Variants in LRPPRC observed in about 807,000 individuals in gnomAD.
The protein encoded by LRPPRC is leucine rich pentatricopeptide repeat containing.
In LRPPRC, 120 loss-of-function variants were observed where a neutral mutation model predicts 180.3. That is an observed-to-expected ratio of 0.67 (90% CI 0.57 to 0.77). The LOEUF is 0.77. Ranked by LOEUF, LRPPRC falls within the 30% of genes least tolerant of loss-of-function variation. The pLI, the probability that LRPPRC is intolerant of heterozygous loss-of-function variation, is 0.00. For synonymous variants in LRPPRC, 723 were observed against 600.0 expected (o/e 1.21, Z -3.00); for missense variants, 2,012 against 1,657.2 (o/e 1.21, Z -3.72).
chr2:43,988,298 A>G (rs2103768016), intron 1 of LRPPRC, among the ~76,000 whole-genome samples: 1 of 149,648 alleles, frequency 6.7e-6, no homozygotes, highest in African/African-American at 2.5e-5. Context: ...ACACTTTGGG[A>G]GGCCAAGGCG....
intron 23 of LRPPRC, among the ~76,000 whole-genome samples, chr2:43,935,318 G>A (rs1054999081): frequency 5.3e-5 from 8 of 152,100 alleles, no homozygotes; most frequent in African/African-American, 1.9e-4. Flanking sequence ...TTTGGTAAAC[G>A]TTATTAAATG....
chr2:43,901,613 C>A, intron 31 of LRPPRC, 89 bp from the exon 32 acceptor site: 1 of 792,098 alleles, frequency 1.3e-6, no homozygotes, highest in Non-Finnish European at 2.2e-6. Context: ...ATATGAGCAC[C>A]AAATGGCCAT....
chr2:43,934,661 T>G (rs1324885609), intron 24 of LRPPRC, 93 bp downstream of exon 24: 4 of 1,069,488 alleles, frequency 3.7e-6, no homozygotes, highest in Admixed American at 3.9e-5. Flanking sequence ...CTGAATGTGC[T>G]GGCCTTCTGC....
chr2:43,982,485 A>G, intron 1 of LRPPRC, 51 bp from the exon 2 acceptor site: 1 of 1,403,488 alleles, frequency 7.1e-7, no homozygotes, highest in Non-Finnish European at 1.0e-6. Flanking sequence ...TATTTAGGTC[A>G]TTTTTTGAAC....
At chr2:43,964,857 T>C (rs1395224035) in intron 11 of LRPPRC, among the ~76,000 whole-genome samples, 2 of 152,082 alleles carry the variant, frequency 1.3e-5, no homozygotes, top group East Asian at 1.9e-4. Context: ...CACACACATA[T>C]AATCAACTAA....
intron 14 of LRPPRC, among the ~76,000 whole-genome samples, chr2:43,952,848 C>T (rs1239551590): frequency 6.6e-6 from 1 of 152,178 alleles, no homozygotes; most frequent in Admixed American, 6.5e-5. Flanking sequence ...CCCCTATCTG[C>T]CTTTACCTGT....
At chr2:43,922,936 A>G (rs1572924146) in intron 27 of LRPPRC, among the ~76,000 whole-genome samples, 2 of 152,276 alleles carry the variant, frequency 1.3e-5, no homozygotes, top group Admixed American at 1.3e-4. Flanking sequence ...ATGTGGTTAA[A>G]AAGAATATAT....
chr2:43,966,233 T>C (rs533451378), intron 11 of LRPPRC, among the ~76,000 whole-genome samples: 8 of 151,676 alleles, frequency 5.3e-5, no homozygotes, highest in Non-Finnish European at 1.2e-4. Context: ...ATCTCACTTA[T>C]ATATGGAATC....
At chr2:43,917,948 G>A (rs1158364880) in intron 29 of LRPPRC, 77 bp downstream of exon 29, 3 of 972,476 alleles carry the variant, frequency 3.1e-6, no homozygotes, top group African/African-American at 3.2e-5. Context: ...CTTCTAATTG[G>A]TTGGGCTTAC....
At chr2:43,944,882 A>G (rs1304486372) in intron 22 of LRPPRC, among the ~76,000 whole-genome samples, 3 of 152,140 alleles carry the variant, frequency 2.0e-5, no homozygotes, top group Admixed American at 1.3e-4. Context: ...TTTAAAGTAT[A>G]TATTTTGTTA....
At position 43,950,987 on chromosome 2, in the gene LRPPRC, C is replaced by G. The variant is rs1672880306; in HGVS notation, c.1650-387G>C. ...CGGGAGGCTGAGGCAGGAGAATTGC[C>G]TGAACCCGGGAAGCGGAGGTTGCAG... On this transcript the variant is annotated intron_variant, in intron 14 of 37. Coordinates refer to ENST00000260665, the MANE Select transcript of LRPPRC (RefSeq NM_133259.4). Among the ~76,000 whole-genome samples, 5 of 152,124 alleles carry G rather than the reference C, an allele frequency of 3.3e-5. No individual in the cohort carries two copies. In the South Asian group the frequency reaches 1.0e-3, roughly 32 times the overall value.
chr2:43,889,160 C>A (rs7571973), intron 37 of LRPPRC, among the ~76,000 whole-genome samples: 2 of 151,548 alleles, frequency 1.3e-5, no homozygotes, highest in African/African-American at 2.4e-5. Flanking sequence ...ACTAAAAATA[C>A]GAAAATGTGC....
chr2:43,901,627 C>T, intron 31 of LRPPRC, 103 bp from the exon 32 acceptor site: 1 of 737,582 alleles, frequency 1.4e-6, no homozygotes, highest in Non-Finnish European at 2.4e-6. Flanking sequence ...TGGCCATAAA[C>T]AAAAAGCTAT....
At chr2:43,926,106 C>A in intron 25 of LRPPRC, 145 bp from the exon 26 acceptor site, 1 of 597,614 alleles carries the variant, frequency 1.7e-6, no homozygotes, top group South Asian at 2.1e-5. Flanking sequence ...TACTAGTATA[C>A]AATCTATATA....
intron 13 of LRPPRC, among the ~76,000 whole-genome samples, chr2:43,959,798 C>A (rs919813070): frequency 1.3e-5 from 2 of 152,068 alleles, no homozygotes; most frequent in Non-Finnish European, 2.9e-5. Flanking sequence ...GCAGGAGAAT[C>A]GCTTCAACTC....
chr2:43,939,141 C>T (rs571250730), intron 23 of LRPPRC, among the ~76,000 whole-genome samples: 41 of 149,752 alleles, frequency 2.7e-4, no homozygotes, highest in African/African-American at 8.6e-4. Context: ...AAATAGCTGG[C>T]GTGGCGGTGA....
At chr2:43,984,564 G>T (rs1380754778) in intron 1 of LRPPRC, among the ~76,000 whole-genome samples, 1 of 152,160 alleles carries the variant, frequency 6.6e-6, no homozygotes, top group Non-Finnish European at 1.5e-5. Context: ...ATAGAGGAAG[G>T]ATTACATATT....
At chr2:43,922,254 AATGT>A (rs1301707663) in intron 27 of LRPPRC, among the ~76,000 whole-genome samples, 1 of 152,244 alleles carries the variant, frequency 6.6e-6, no homozygotes, top group African/African-American at 2.4e-5. Context: ...CTAGTATTTA[AATGT>A]ATGTAAGACT....
rs114054515 is a variant in LRPPRC at position 43,951,057 on chromosome 2, G to A, written c.1650-457C>T. ...TGCACTCCAGCCTGGGAGACACAGT[G>A]AGTCTCAAAGTGACTGCCCACAGAT... On this transcript the variant is annotated intron_variant, in intron 14 of 37. Transcript: ENST00000260665. Among the ~76,000 whole-genome samples, 908 of 152,308 alleles carry A rather than the reference G, an allele frequency of 6.0e-3. 10 individuals are homozygous for A. The highest frequency in any genetic ancestry group is 0.02 in the African/African-American group (850 of 41,578).
Sources: gnomAD v4.1 joint callset for allele counts (sites outside exome capture counted in the v4.1 genomes callset) on GRCh38, gnomAD v4.1.1 for gene constraint, MANE v1.5 for transcripts, NCBI Gene and HGNC (gene_info 2026-07-23, HGNC 2026-07-21) for gene names.